The following TOX2 variants were observed in gnomAD, a reference collection of about 807,000 sequenced individuals.
TOX2 encodes granulosa cell HMG box 1.
A neutral mutation model predicts 47.4 loss-of-function variants in TOX2; 15 were observed. The observed-to-expected ratio is 0.32, with a 90% confidence interval of 0.21 to 0.49. The LOEUF (loss-of-function observed/expected upper bound fraction) is 0.49, where lower values mean the gene tolerates loss of function less well. Among genes scored for constraint, TOX2 ranks in the 20% least tolerant of loss-of-function variants. The probability of loss-of-function intolerance (pLI) is 0.99; values close to 1 mark genes in which losing one functional copy is unlikely to be tolerated. For synonymous variants in TOX2, 290 were observed against 296.6 expected, an observed-to-expected ratio of 0.98 and a Z score of 0.23; for missense variants, 622 against 673.1, an observed-to-expected ratio of 0.92 and a Z score of 0.84.
chr20:44,057,907 T>C (rs1374387463), intron 5 of TOX2, among the ~76,000 whole-genome samples: 1 of 147,016 alleles, frequency 6.8e-6, no homozygotes, highest in East Asian at 1.9e-4. Flanking sequence ...AACTGGGCCA[T>C]GTGTCTTTCA....
intron 2 of TOX2, among the ~76,000 whole-genome samples, chr20:43,987,230 A>G (rs2070282994): frequency 6.6e-6 from 1 of 152,230 alleles, no homozygotes; most frequent in Non-Finnish European, 1.5e-5. Flanking sequence ...CAAGCAGATG[A>G]GTCTCACAAA....
intron 5 of TOX2, among the ~76,000 whole-genome samples, chr20:44,056,995 G>C (rs1275470199): frequency 1.3e-5 from 2 of 152,154 alleles, no homozygotes; most frequent in Non-Finnish European, 1.5e-5. Flanking sequence ...CTGCAGCCTT[G>C]AACTCCTGGG....
intron 1 of TOX2, among the ~76,000 whole-genome samples, chr20:43,919,334 T>C (rs2069089285): frequency 6.6e-6 from 1 of 152,188 alleles, no homozygotes; most frequent in Admixed American, 6.5e-5. Context: ...AAATATATGG[T>C]ATCATGATTG....
intron 3 of TOX2, among the ~76,000 whole-genome samples, chr20:44,034,557 G>A (rs1569118242): frequency 6.6e-6 from 1 of 152,220 alleles, no homozygotes; most frequent in East Asian, 1.9e-4. Flanking sequence ...TCAAGACAGA[G>A]GCCTGCAGAG....
chr20:44,002,221 A>G (rs1027409356), intron 2 of TOX2, among the ~76,000 whole-genome samples: 2 of 152,182 alleles, frequency 1.3e-5, no homozygotes, highest in African/African-American at 2.4e-5. Context: ...GATGCTCCCT[A>G]TACAATTCCT....
chr20:44,062,681 T>C (rs886405960), intron 5 of TOX2, among the ~76,000 whole-genome samples: 1 of 152,134 alleles, frequency 6.6e-6, no homozygotes, highest in Admixed American at 6.5e-5. Context: ...AGAGCCCTCA[T>C]AGCCAAAGCA....
In TOX2 at chr20:44,033,672, C is replaced by T. The variant is rs147160533; in HGVS notation, c.412-17634C>T. On this transcript the variant is annotated intron_variant, in intron 3 of 8. Coordinates refer to ENST00000341197, the MANE Select transcript of TOX2 (RefSeq NM_001098797.2). The stretch of plus-strand genomic sequence containing the variant: ...GGCCACAAGCCAAGGCATGAGGATA[C>T]GGTTCATCCAAAAAAAAAAAAAAAA... Among the ~76,000 whole-genome samples, 762 of 148,712 alleles carry T rather than the reference C, an allele frequency of 5.1e-3. 3 individuals are homozygous for T. The highest frequency in any genetic ancestry group is 0.01 in the Middle Eastern group (3 of 286).
At chr20:44,013,022 C>A (rs1386910865) in intron 3 of TOX2, among the ~76,000 whole-genome samples, 3 of 152,170 alleles carry the variant, frequency 2.0e-5, no homozygotes, top group Non-Finnish European at 4.4e-5. Context: ...CTGAGCTGTA[C>A]CTTAGTTGCC....
At chr20:43,973,238 C>G (rs2070009169) in intron 1 of TOX2, 129 bp from the exon 2 acceptor site, 1 of 846,606 alleles carries the variant, frequency 1.2e-6, no homozygotes, top group Non-Finnish European at 1.9e-6. Context: ...GCATCCTGGG[C>G]TCTGATTTGC....
intron 1 of TOX2, among the ~76,000 whole-genome samples, chr20:43,967,180 A>G (rs1368865677): frequency 2.6e-5 from 4 of 152,278 alleles, no homozygotes; most frequent in Non-Finnish European, 5.9e-5. Context: ...GTTTCTGTTA[A>G]GACAGGGGAG....
chr20:43,980,852 AAATT>A (rs1487717353), intron 2 of TOX2, among the ~76,000 whole-genome samples: 1 of 152,200 alleles, frequency 6.6e-6, no homozygotes, highest in Non-Finnish European at 1.5e-5. Flanking sequence ...ATAAATATAA[AAATT>A]AACATAAAAT....
intron 1 of TOX2, among the ~76,000 whole-genome samples, chr20:43,933,362 C>T (rs1360993811): frequency 6.6e-6 from 1 of 152,224 alleles, no homozygotes; most frequent in Non-Finnish European, 1.5e-5. Flanking sequence ...TGGTGACTGC[C>T]TACCTCAGGC....
intron 4 of TOX2, 107 bp downstream of exon 4, chr20:44,051,652 T>C (rs2071514403): frequency 2.0e-6 from 3 of 1,463,952 alleles, no homozygotes; most frequent in African/African-American, 1.4e-5. Context: ...TAGAAAAGCC[T>C]GATGTCCCAA....
chr20:43,958,811 C>T (rs553548387), intron 1 of TOX2, among the ~76,000 whole-genome samples: 1 of 152,352 alleles, frequency 6.6e-6, no homozygotes, highest in South Asian at 2.1e-4. Context: ...AACGGTGGGC[C>T]ATCCATCAGC....
At chr20:44,053,349 T>G (rs1212188091) in intron 4 of TOX2, among the ~76,000 whole-genome samples, 1 of 152,034 alleles carries the variant, frequency 6.6e-6, no homozygotes, top group Non-Finnish European at 1.5e-5. Flanking sequence ...TGCTCAAAGC[T>G]GCACAGCTGA....
At chr20:44,049,663 C>T (rs534888375) in intron 3 of TOX2, among the ~76,000 whole-genome samples, 9 of 152,258 alleles carry the variant, frequency 5.9e-5, no homozygotes, top group South Asian at 4.1e-4. Context: ...CCCCTCAACG[C>T]GCCCCAGTGT....
Position 44,054,281 on chromosome 20 carries a change from C to G in TOX2, c.652-18C>G. 6.3e-7 allele frequency: 1 copy of G among 1,590,098 alleles called. No individual in the cohort carries two copies. On this transcript the variant is annotated intron_variant, in intron 4 of 8. Coordinates refer to ENST00000341197, the MANE Select transcript of TOX2 (RefSeq NM_001098797.2). The stretch of plus-strand genomic sequence containing the variant: ...CCCTTGGGCTTCTTTGGTTTTCTGA[C>G]TCTTCTCACTCGGGCAGATCTCGGG...
At chr20:44,028,824 G>A (rs1336272035) in intron 3 of TOX2, among the ~76,000 whole-genome samples, 6 of 152,170 alleles carry the variant, frequency 3.9e-5, no homozygotes, top group African/African-American at 1.4e-4. Context: ...GCTTGGACAG[G>A]TCATTTTTAG....
At chr20:43,929,472 G>T (rs1397330079) in intron 1 of TOX2, among the ~76,000 whole-genome samples, 1 of 151,700 alleles carries the variant, frequency 6.6e-6, no homozygotes. Context: ...CAGTCACCTG[G>T]CCTTCTTGCT....
Sources: allele counts gnomAD v4.1 joint callset (sites outside exome capture counted in the v4.1 genomes callset), GRCh38; gene constraint gnomAD v4.1.1; transcripts MANE v1.5; gene names NCBI Gene and HGNC (gene_info 2026-07-23, HGNC 2026-07-21).